SLC12A4: variants seen among roughly 807,000 people sequenced by gnomAD.
SLC12A4 encodes the protein solute carrier family 12 member 4.
In SLC12A4, 84 loss-of-function variants were observed where a neutral mutation model predicts 119.2. The ratio of observed to expected loss-of-function variants is 0.70; its 90% CI spans 0.59 to 0.85. The LOEUF (loss-of-function observed/expected upper bound fraction) is 0.85, where lower values mean the gene tolerates loss of function less well. SLC12A4 is among the 40% of genes least tolerant of loss of function. SLC12A4 has a pLI of 0.00. For synonymous variants in SLC12A4, 599 were observed against 604.6 expected, an observed-to-expected ratio of 0.99 and a Z score of 0.14; for missense variants, 1,298 against 1,476.3, an observed-to-expected ratio of 0.88 and a Z score of 1.98.
rs887337374 is a variant in SLC12A4 at position 67,951,699 on chromosome 16, G to A, written c.1132+124C>T. On this transcript the variant is annotated intron_variant, in intron 8 of 23. Coordinates refer to ENST00000316341, the MANE Select transcript of SLC12A4 (RefSeq NM_005072.5). The surrounding 1 kb of genome is among the most constrained non-coding windows in gnomAD (Gnocchi z 5.2). ...CAGGAGCCAGGCTGGGAGGACACTG[G>A]GGGGCTGGGAAGGCGGCCAGTCCTG... The A allele has an allele frequency of 2.3e-6, 2 of 878,970 alleles. No individual in the cohort carries two copies. The highest frequency in any genetic ancestry group is 1.7e-5 in the African/African-American group (1 of 60,088). The allele number at this position is 878,970 out of a possible 1,614,324, so 54.4% of individuals were successfully genotyped here. A position where few individuals can be genotyped will look rare whatever the true frequency, so the allele number is the denominator to read the frequency against.
chr16:67,951,706 G>A lies in SLC12A4; in HGVS notation c.1132+117C>T, dbSNP rs1008913447. The A allele has an allele frequency of 6.4e-6, 6 of 931,430 alleles. No homozygotes were observed. In the African/African-American group the frequency reaches 9.8e-5, roughly 15 times the overall value. The allele number at this position is 931,430 out of a possible 1,614,324, so 57.7% of individuals were successfully genotyped here. On this transcript the variant is annotated intron_variant, in intron 8 of 23. Coordinates refer to ENST00000316341, the MANE Select transcript of SLC12A4 (RefSeq NM_005072.5). This position sits in a 1 kb window ranked among gnomAD's most constrained non-coding sequence, Gnocchi z 5.2. ...CAGGCTGGGAGGACACTGGGGGGCT[G>A]GGAAGGCGGCCAGTCCTGCCCCCGT...
intron 6 of SLC12A4, chr16:67,954,302 C>G (rs550748820): frequency 5.7e-6 from 2 of 351,046 alleles, no homozygotes; most frequent in African/African-American, 4.2e-5. Flanking sequence ...AGAGCTCACA[C>G]AAGCCCAGAA....
chr16:67,949,351 T>C lies in SLC12A4; in HGVS notation c.1748+449A>G, dbSNP rs2058387161. Among the ~76,000 whole-genome samples, 1 of 151,822 alleles carries C rather than the reference T, an allele frequency of 6.6e-6. No individual in the cohort carries two copies. The highest frequency in any genetic ancestry group is 2.1e-4 in the South Asian group (1 of 4,816). ...CTGTAATCCCAGCTACTCAGGAGGC[T>C]GAGGCAGGAGAATTGCTTGAACCCA... On this transcript the variant is annotated intron_variant, in intron 13 of 23. Coordinates refer to ENST00000316341, the MANE Select transcript of SLC12A4 (RefSeq NM_005072.5). The surrounding 1 kb of genome is among the most constrained non-coding windows in gnomAD (Gnocchi z 4.6).
rs549941664 is a variant in SLC12A4, at chr16:67,943,724, C to G, written c.*1116G>C. ...AAGACCTCAGGCACACCCCGTCCCC[C>G]ACTCCGCCCCCCCTGGGTTAGACAA... On this transcript the variant is annotated 3_prime_UTR_variant, in exon 24 of 24. Transcript: ENST00000316341. The surrounding 1 kb of genome is among the most constrained non-coding windows in gnomAD (Gnocchi z 4.6). 11 of 572,702 alleles carry G rather than the reference C, an allele frequency of 1.9e-5. No individual in the cohort carries two copies. The highest frequency in any genetic ancestry group is 3.1e-5 in the Non-Finnish European group (10 of 325,508). 35.5% of individuals were successfully genotyped at this position (572,702 alleles called of 1,614,324 possible).
chr16:67,961,527 G>T, intron 3 of SLC12A4, 48 bp downstream of exon 3: 1 of 1,600,504 alleles, frequency 6.2e-7, no homozygotes. Flanking sequence ...CCATGGTGCT[G>T]TGTCTGTCTT....
intron 2 of SLC12A4, 25 bp downstream of exon 2, chr16:67,963,440 T>C (rs1212948612): frequency 4.6e-6 from 7 of 1,531,188 alleles, no homozygotes; most frequent in Non-Finnish European, 6.2e-6. Flanking sequence ...GCCAAACCTG[T>C]GGCCCAAAAT....
chr16:67,960,284 G>A (rs2030492689), intron 3 of SLC12A4, among the ~76,000 whole-genome samples: 1 of 152,208 alleles, frequency 6.6e-6, no homozygotes, highest in Non-Finnish European at 1.5e-5. Flanking sequence ...CCCACTGTGG[G>A]CAGAGCACTC....
chr16:67,946,032 G>A lies in SLC12A4; in HGVS notation c.2658C>T (p.Asp886=). The A allele has an allele frequency of 1.2e-6, 2 of 1,614,034 alleles. No individual in the cohort carries two copies. Among genetic ancestry groups the A allele is most frequent in the Non-Finnish European group, 1.7e-6 (2 of 1,180,000 alleles). Reference sequence around the variant, plus strand: ...GGTCCTTCTTCATCTGGATGCTGTTGTCATCCATCTGGGCCACTGTGAAGA... The same window carrying A: ...GGTCCTTCTTCATCTGGATGCTGTTATCATCCATCTGGGCCACTGTGAAGA... The part of the protein sequence containing the change: ...MRIFTVAQMD[D]NSIQMKKDLA... The change falls in exon 20 of 24, where the codon GAC becomes GAT. Residue 886 remains aspartate (D), a synonymous_variant. Coordinates refer to ENST00000316341, the MANE Select transcript of SLC12A4 (RefSeq NM_005072.5).
Position 67,957,907 on chromosome 16 carries a change from G to A in SLC12A4, c.480C>T (p.Cys160=), listed in dbSNP as rs1273672514. The A allele has an allele frequency of 1.2e-6, 2 of 1,614,130 alleles. No homozygotes were observed. The highest frequency in any genetic ancestry group is 1.7e-6 in the Non-Finnish European group (2 of 1,180,008). ...ACGCCAGGACACTCACACAACAGCA[G>A]CAGATAAGCACGATGAGGAGGGCCT... The part of the protein sequence containing the change: ...VLQALLIVLI[C]CCCTLLTAIS... Residue 160 remains cysteine (C), a synonymous_variant, in exon 4 of 24, where the codon TGC becomes TGT. Coordinates refer to ENST00000316341, the MANE Select transcript of SLC12A4 (RefSeq NM_005072.5).
intron 2 of SLC12A4, chr16:67,962,190 A>G (rs2030616097): frequency 6.5e-6 from 1 of 154,228 alleles, no homozygotes; most frequent in South Asian, 2.0e-4. Context: ...TGTCTGCCCA[A>G]ACCCTGATCT....
At chr16:67,945,016 G>A (rs775025813) in intron 23 of SLC12A4, 71 bp downstream of exon 23, 1 of 1,602,034 alleles carries the variant, frequency 6.2e-7, no homozygotes, top group Non-Finnish European at 8.5e-7. Context: ...GGGGTGCCCA[G>A]GAGAGAAGCC....
Position 67,946,315 on chromosome 16 carries a change from G to A in SLC12A4, c.2463C>T (p.Ala821=), listed in dbSNP as rs150467264. 6.8e-6 allele frequency: 11 copies of A among 1,611,408 alleles called. No homozygotes were observed. Among genetic ancestry groups the A allele is most frequent in the Non-Finnish European group, 9.3e-6 (11 of 1,180,034 alleles). The change falls in exon 19 of 24, where the codon GCC becomes GCT. Residue 821 remains alanine (A), a synonymous_variant. Transcript: ENST00000316341. The stretch of plus-strand genomic sequence containing the variant: ...TCTTGGGCACGAGCAGGGCCAGGTG[G>A]GCAGCCGTAGTGCAGCGCACGGTGT... ...FIDTVRCTTA[A]HLALLVPKNI...
At chr16:67,954,189 G>A (rs911074507) in intron 6 of SLC12A4, 3 of 380,008 alleles carry the variant, frequency 7.9e-6, no homozygotes, top group African/African-American at 2.2e-5. Context: ...AGGGAGCGCC[G>A]ACCTCCAGCA....
chr16:67,963,564 G>T lies in SLC12A4; in HGVS notation c.116-5C>A. ...TCTCTCTGTGGTTGCCATGTCCTGT[G>T]AAGAGAGAGGGACAATCAGGGCCTG... On this transcript the variant is annotated splice_polypyrimidine_tract_variant and splice_region_variant and intron_variant, in intron 1 of 23. Transcript: ENST00000316341. 1 of 1,560,324 alleles carries T rather than the reference G, an allele frequency of 6.4e-7. No individual in the cohort carries two copies. The highest frequency in any genetic ancestry group is 1.2e-5 in the South Asian group (1 of 83,150).
intron 3 of SLC12A4, among the ~76,000 whole-genome samples, chr16:67,961,298 G>A (rs571849848): frequency 6.6e-6 from 1 of 152,294 alleles, no homozygotes; most frequent in Admixed American, 6.5e-5. Context: ...CAGGCCTGGT[G>A]TGGTACCTCG....
Position 67,961,140 on chromosome 16 carries a change from T to C in SLC12A4, c.342+435A>G, listed in dbSNP as rs188945134. ...GTCTCCCATAAAATCTACGAATCCA[T>C]CTCCCAGCATTACACATTGATCTTG... On this transcript the variant is annotated intron_variant, in intron 3 of 23. Coordinates refer to ENST00000316341, the MANE Select transcript of SLC12A4 (RefSeq NM_005072.5). Among the ~76,000 whole-genome samples, 964 of 152,278 alleles carry C rather than the reference T, an allele frequency of 6.3e-3. 11 individuals are homozygous for C. Among genetic ancestry groups the C allele is most frequent in the African/African-American group, 0.022 (920 of 41,554 alleles).
At chr16:67,967,246 A>G (rs1394785665) in intron 1 of SLC12A4, among the ~76,000 whole-genome samples, 2 of 152,220 alleles carry the variant, frequency 1.3e-5, no homozygotes, top group African/African-American at 2.4e-5. Context: ...GGCATGGATC[A>G]TCTCAGTCGT....
In SLC12A4 at chr16:67,944,278, C is replaced by A; in HGVS notation, c.*562G>T. ...GCCGGCTCTGGGCCTGGGTTCAGTT[C>A]CGCCTTCTTCTCTTGGCGCCAGGGG... is the stretch of plus-strand genomic sequence containing the variant. On this transcript the variant is annotated 3_prime_UTR_variant, in exon 24 of 24. Transcript: ENST00000316341. This position sits in a 1 kb window ranked among gnomAD's most constrained non-coding sequence, Gnocchi z 6.6. The A allele has an allele frequency of 1.4e-6, 2 of 1,416,894 alleles. No individual in the cohort carries two copies. The highest frequency in any genetic ancestry group is 2.9e-5 in the Admixed American group (1 of 34,844). The allele number at this position is 1,416,894 out of a possible 1,614,324, so 87.8% of individuals were successfully genotyped here. A position where few individuals can be genotyped will look rare whatever the true frequency, so the allele number is the denominator to read the frequency against.
At position 67,950,297 on chromosome 16, in the gene SLC12A4, G is replaced by A; in HGVS notation, c.1629+22C>T. 6.2e-7 allele frequency: 1 copy of A among 1,610,400 alleles called. No homozygotes were observed. The highest frequency in any genetic ancestry group is 8.5e-7 in the Non-Finnish European group (1 of 1,177,996). On this transcript the variant is annotated intron_variant, in intron 12 of 23. Transcript: ENST00000316341. This position sits in a 1 kb window ranked among gnomAD's most constrained non-coding sequence, Gnocchi z 4.3. ...GAGGGCCTGGGAGCAGCCAGGCCAT[G>A]GGGGAGTGCAGAGGGGCTCACCCGG... is the stretch of plus-strand genomic sequence containing the variant.
Sources: allele counts gnomAD v4.1 joint callset (sites outside exome capture counted in the v4.1 genomes callset), GRCh38; gene constraint gnomAD v4.1.1; non-coding constraint Gnocchi (gnomAD v3.1); transcripts MANE v1.5; gene names NCBI Gene and HGNC (gene_info 2026-07-23, HGNC 2026-07-21).